The following ZRANB2 variants were observed in gnomAD, a reference collection of about 807,000 sequenced individuals.
The protein encoded by ZRANB2 is zinc finger RANBP2-type containing 2.
In ZRANB2, 19 loss-of-function variants were observed where a neutral mutation model predicts 53.4. The ratio of observed to expected loss-of-function variants is 0.36; its 90% CI spans 0.25 to 0.52. The LOEUF is 0.52. Ranked by LOEUF, ZRANB2 falls within the 20% of genes least tolerant of loss-of-function variation. ZRANB2 has a pLI of 0.93. For missense variants in ZRANB2, 309 were observed against 401.1 expected (o/e 0.77, Z 1.96); for synonymous variants, 145 against 134.8 (o/e 1.08, Z -0.52).
rs1661720591 is a variant in ZRANB2, at chr1:71,076,816, C to T, written c.280G>A (p.Ala94Thr). The change falls in exon 4 of 10, where the codon GCT becomes ACT. Residue 94 changes from alanine to threonine, a missense_variant. Ala to Thr is a moderately conservative substitution (Grantham distance 58). Around this residue, in one of 3 missense-constraint regions of ZRANB2, gnomAD observed 74 missense variants for 180.1 expected, o/e 0.41. Transcript: ENST00000370920. ...ECNMCNTPKY[A>T]KLEERTGYGG... ...ATACCTGTTCTTTCTTCTAATTTAG[C>T]ATACTTTGGAGTATTACACATATTA... 1.2e-6 allele frequency: 2 copies of T among 1,610,752 alleles called. No individual in the cohort carries two copies. The highest frequency in any genetic ancestry group is 2.2e-5 in the South Asian group (2 of 90,038).
At chr1:71,076,582 G>T (rs1661715173) in intron 4 of ZRANB2, among the ~76,000 whole-genome samples, 1 of 152,132 alleles carries the variant, frequency 6.6e-6, no homozygotes, top group Non-Finnish European at 1.5e-5. Flanking sequence ...CTCCTTGTTA[G>T]GATAAAGGTC....
chr1:71,065,278 C>A (rs1661398371), intron 9 of ZRANB2, 141 bp from the exon 10 acceptor site: 5 of 574,552 alleles, frequency 8.7e-6, no homozygotes, highest in Non-Finnish European at 1.5e-5. Flanking sequence ...GGAACTTACA[C>A]ACATAAAATT....
chr1:71,077,271 T>A (rs1264008479), intron 3 of ZRANB2, among the ~76,000 whole-genome samples: 2 of 152,130 alleles, frequency 1.3e-5, no homozygotes, highest in African/African-American at 4.8e-5. Context: ...ATTTTCAGAT[T>A]AGGGATGCTG....
At position 71,071,990 on chromosome 1, in the gene ZRANB2, C is replaced by T. The variant is rs555367323; in HGVS notation, c.513+131G>A. The T allele has an allele frequency of 1.1e-5, 15 of 1,373,932 alleles. No individual in the cohort carries two copies. In the African/African-American group the frequency reaches 2.2e-4, roughly 20 times the overall value. The allele number at this position is 1,373,932 out of a possible 1,614,324, so 85.1% of individuals were successfully genotyped here. On this transcript the variant is annotated intron_variant, in intron 6 of 9. Transcript: ENST00000370920. ...AAATAGTACTTGGCAGAGTGGAAAT[C>T]CAAAACCTTTGTGAGAACAAATGAA...
chr1:71,080,804 CG>C, intron 1 of ZRANB2, 135 bp downstream of exon 1: 1 of 993,448 alleles, frequency 1.0e-6, no homozygotes, highest in Non-Finnish European at 1.6e-6. Context: ...GCCTTCTTCC[CG>C]CCAGGGAACT....
intron 4 of ZRANB2, among the ~76,000 whole-genome samples, chr1:71,075,466 G>A (rs1324567941): frequency 1.3e-5 from 2 of 152,114 alleles, no homozygotes; most frequent in Non-Finnish European, 2.9e-5. Flanking sequence ...ATGTTGAATA[G>A]GCAGCTGGAT....
At chr1:71,067,691 G>A (rs767418852) in intron 8 of ZRANB2, 1 of 430,562 alleles carries the variant, frequency 2.3e-6, no homozygotes, top group South Asian at 1.7e-5. Context: ...AGCCCAAAAG[G>A]AGAATTCTTT....
Position 71,081,027 on chromosome 1 carries a change from T to C in ZRANB2, c.-32A>G. On this transcript the variant is annotated 5_prime_UTR_variant, in exon 1 of 10. In the 5' UTR this introduces an upstream ATG that the reference lacks. Transcript: ENST00000370920. ...CGCCACCAGCACAGCCACCCGCAGC[T>C]ATGTCTTCACAGGAGGAAAACGGGC... is the stretch of plus-strand genomic sequence containing the variant. The C allele has an allele frequency of 6.2e-7, 1 of 1,613,986 alleles. No homozygotes were observed. The highest frequency in any genetic ancestry group is 1.7e-5 in the Admixed American group (1 of 60,024).
At chr1:71,073,194 T>C (rs1323678868) in intron 4 of ZRANB2, among the ~76,000 whole-genome samples, 4 of 152,144 alleles carry the variant, frequency 2.6e-5, no homozygotes, top group Non-Finnish European at 4.4e-5. Flanking sequence ...TTCTCTCATG[T>C]CACAACCAAT....
intron 9 of ZRANB2, 38 bp downstream of exon 9, chr1:71,066,737 CT>C: frequency 1.3e-6 from 2 of 1,599,952 alleles, no homozygotes; most frequent in Admixed American, 3.5e-5. Flanking sequence ...ATTAAACACA[CT>C]TAAGAACACC....
At chr1:71,077,739 CCA>C in intron 3 of ZRANB2, among the ~76,000 whole-genome samples, 1 of 152,044 alleles carries the variant, frequency 6.6e-6, no homozygotes, top group Middle Eastern at 3.2e-3. Context: ...GCCTGTGGTC[CCA>C]GTTACTAAGG....
intron 9 of ZRANB2, chr1:71,066,038 A>G: frequency 4.4e-6 from 1 of 229,570 alleles, no homozygotes; most frequent in Non-Finnish European, 8.4e-6. Context: ...GACTTTACAT[A>G]ATCTTTATTT....
rs370859508 is a variant in ZRANB2, at chr1:71,071,009, CA to C, written c.514-14del. 1,675 of 1,538,484 alleles carry C rather than the reference CA, an allele frequency of 1.1e-3. 22 individuals are homozygous for C. In the South Asian group the frequency reaches 0.017, roughly 16 times the overall value. On this transcript the variant is annotated splice_polypyrimidine_tract_variant and intron_variant, in intron 6 of 9. Transcript: ENST00000370920. ...CTTCATCCTCATCCTAACAAAAATT[CA>C]ATTATAATTAGACATTTAGATATTA...
chr1:71,080,428 G>A (rs962458405), intron 1 of ZRANB2, among the ~76,000 whole-genome samples: 5 of 152,134 alleles, frequency 3.3e-5, no homozygotes, highest in African/African-American at 1.2e-4. Context: ...TTCCCAAACC[G>A]AAGAGGGTAG....
At chr1:71,068,269 A>G (rs1271745558) in intron 8 of ZRANB2, among the ~76,000 whole-genome samples, 2 of 152,228 alleles carry the variant, frequency 1.3e-5, no homozygotes, top group African/African-American at 4.8e-5. Context: ...TTTGATTCAA[A>G]GCAGCAAATA....
chr1:71,074,603 A>T (rs1661666561), intron 4 of ZRANB2, among the ~76,000 whole-genome samples: 1 of 152,174 alleles, frequency 6.6e-6, no homozygotes, highest in African/African-American at 2.4e-5. Context: ...AGAATCCAAA[A>T]GAATAAAAAT....
intron 3 of ZRANB2, among the ~76,000 whole-genome samples, chr1:71,078,117 T>C (rs1185372391): frequency 6.6e-6 from 1 of 152,188 alleles, no homozygotes; most frequent in Non-Finnish European, 1.5e-5. Context: ...TATTTCACAC[T>C]AACTATACAG....
At chr1:71,067,654 A>G in intron 8 of ZRANB2, 1 of 438,080 alleles carries the variant, frequency 2.3e-6, no homozygotes, top group Admixed American at 3.1e-5. Context: ...CAAAAAATTC[A>G]CCTTTGGGCT....
intron 9 of ZRANB2, chr1:71,065,815 G>A: frequency 6.3e-7 from 1 of 1,589,608 alleles, no homozygotes. Context: ...GATTATATGT[G>A]GCTAAGATAA....
Sources: gnomAD v4.1 joint callset for allele counts (sites outside exome capture counted in the v4.1 genomes callset) on GRCh38, gnomAD v4.1.1 for gene constraint, gnomAD v4.1.1 regional missense constraint, MANE v1.5 for transcripts, NCBI Gene and HGNC (gene_info 2026-07-23, HGNC 2026-07-21) for gene names.